TBC1D8: variants seen among roughly 807,000 people sequenced by gnomAD.
The protein encoded by TBC1D8 is TBC1 domain family member 8.
Under a neutral mutation model 118.8 loss-of-function variants are expected in TBC1D8, and 65 were observed. The ratio of observed to expected loss-of-function variants is 0.55; its 90% confidence interval spans 0.45 to 0.67. TBC1D8 has a LOEUF of 0.67. Among genes scored for constraint, TBC1D8 ranks in the 30% least tolerant of loss-of-function variants. TBC1D8 has a pLI of 0.00. For missense variants in TBC1D8, 1,376 were observed against 1,471.2 expected (o/e 0.94, Z 1.06); for synonymous variants, 566 against 595.8 (o/e 0.95, Z 0.73).
At chr2:101,074,387 T>G (rs1674667662) in intron 2 of TBC1D8, among the ~76,000 whole-genome samples, 1 of 152,222 alleles carries the variant, frequency 6.6e-6, no homozygotes, top group South Asian at 2.1e-4. Context: ...TGAAAAAGTC[T>G]GAACTACTGA....
Position 101,088,589 on chromosome 2 carries a change from C to CT in TBC1D8, c.283+1619dup, listed in dbSNP as rs1405632615. 2.0e-5 allele frequency among the ~76,000 whole-genome samples: 3 copies of CT among 151,836 alleles called. No homozygotes were observed. The South Asian group carries it at 6.3e-4, about 32-fold the overall frequency. ...GCGTGAGCCACCACACCCAGCCTCT[C>CT]TTTTTTAAGAAATGGGCTCTCCCTC... On this transcript the variant is annotated intron_variant, in intron 2 of 19. Transcript: ENST00000409318.
intron 19 of TBC1D8, among the ~76,000 whole-genome samples, chr2:101,009,122 G>A (rs1448521184): frequency 2.6e-5 from 4 of 151,778 alleles, no homozygotes; most frequent in South Asian, 2.1e-4. Flanking sequence ...GGCCGGGTGC[G>A]GTGGCTCATG....
intron 17 of TBC1D8, among the ~76,000 whole-genome samples, chr2:101,017,668 T>C (rs1291124566): frequency 6.6e-6 from 1 of 152,192 alleles, no homozygotes; most frequent in Non-Finnish European, 1.5e-5. Context: ...TATTTCCAAT[T>C]GTACTACACA....
chr2:101,038,360 T>G, intron 7 of TBC1D8, 101 bp downstream of exon 7: 2 of 1,324,748 alleles, frequency 1.5e-6, no homozygotes, highest in Non-Finnish European at 2.1e-6. Context: ...AGGCCCCGCA[T>G]TCTTCTCATC....
In TBC1D8 at chr2:101,033,767, T is replaced by C. The variant is rs201396164; in HGVS notation, c.1604-9A>G. 224 of 1,609,578 alleles carry C rather than the reference T, an allele frequency of 1.4e-4. 4 individuals carry two copies. In the East Asian group the frequency reaches 4.9e-3, roughly 35 times the overall value. The stretch of plus-strand genomic sequence containing the variant: ...AAGATCCGTCACCGCATCTGAGTTT[T>C]AAAAGCAATGTTTCAAGGGGGAATG... On this transcript the variant is annotated splice_polypyrimidine_tract_variant and intron_variant, in intron 9 of 19. Coordinates refer to ENST00000409318, the MANE Select transcript of TBC1D8 (RefSeq NM_001330348.2).
intron 5 of TBC1D8, among the ~76,000 whole-genome samples, chr2:101,043,769 GC>G (rs1460015586): frequency 3.3e-5 from 5 of 151,938 alleles, no homozygotes; most frequent in African/African-American, 1.2e-4. Context: ...GTGAAACCCC[GC>G]CTCTACTAAA....
chr2:101,150,730 G>A (rs1363980647), intron 1 of TBC1D8, among the ~76,000 whole-genome samples: 4 of 152,136 alleles, frequency 2.6e-5, no homozygotes, highest in Non-Finnish European at 5.9e-5. Flanking sequence ...CCAGATGGCC[G>A]AGTCCGGGCT....
chr2:101,031,209 T>C (rs899037026), intron 11 of TBC1D8, among the ~76,000 whole-genome samples: 1 of 152,172 alleles, frequency 6.6e-6, no homozygotes, highest in African/African-American at 2.4e-5. Context: ...CTTACACCAC[T>C]TCCCACAACA....
intron 1 of TBC1D8, among the ~76,000 whole-genome samples, chr2:101,100,040 G>A (rs746680333): frequency 1.3e-5 from 2 of 151,994 alleles, no homozygotes; most frequent in Non-Finnish European, 2.9e-5. Flanking sequence ...AGAAATAAAG[G>A]GTATTCAAAT....
chr2:101,044,625 T>A (rs1269107665), intron 5 of TBC1D8, among the ~76,000 whole-genome samples: 3 of 152,180 alleles, frequency 2.0e-5, no homozygotes, highest in Non-Finnish European at 4.4e-5. Context: ...AGCACCCCTA[T>A]GAGGATGGAG....
At chr2:101,143,486 G>A (rs2104282933) in intron 1 of TBC1D8, among the ~76,000 whole-genome samples, 1 of 152,248 alleles carries the variant, frequency 6.6e-6, no homozygotes, top group Middle Eastern at 3.4e-3. Flanking sequence ...CTTGTTGGCT[G>A]GTGATACACT....
chr2:101,096,817 GAGAC>G (rs1366358785), intron 1 of TBC1D8, among the ~76,000 whole-genome samples: 2 of 150,820 alleles, frequency 1.3e-5, no homozygotes, highest in East Asian at 2.0e-4. Context: ...GAGAGAGAGA[GAGAC>G]AGCACAAGGA....
rs746924 is a variant in TBC1D8 at position 101,008,009 on chromosome 2, T to C, written c.3280A>G (p.Arg1094Gly). ...DSQAFPEAAE[R>G]DWTVSLEHIL... ...TGTTCAAGGGAGACAGTCCAGTCCC[T>C]TTCTGCCGCCTCTGGAAATGCCTGG... The change falls in exon 20 of 20, where the codon AGG becomes GGG. Residue 1094 changes from arginine (R) to glycine (G), a missense_variant. Arg to Gly is a moderately radical substitution (Grantham distance 125). Transcript: ENST00000409318. 0.64 allele frequency: 1,040,426 copies of C among 1,613,658 alleles called. 340,220 individuals are homozygous for C. The highest frequency in any genetic ancestry group is 0.69 in the Middle Eastern group (4,168 of 6,062).
In TBC1D8 at chr2:101,017,843, T is replaced by C. The variant is rs147875922; in HGVS notation, c.2827+3838A>G. On this transcript the variant is annotated intron_variant, in intron 17 of 19. Transcript: ENST00000409318. ...TAATACTAACAGTGAAGCAGCTACA[T>C]GCAATTCCCAATTAGGTCTTCAAAA... 1.0e-4 allele frequency: 160 copies of C among 1,550,692 alleles called. 1 individual carries two copies. The Admixed American group carries it at 1.1e-3, about 10-fold the overall frequency.
intron 7 of TBC1D8, 30 bp from the exon 8 acceptor site, chr2:101,037,738 G>A (rs758369419): frequency 1.9e-6 from 3 of 1,608,470 alleles, no homozygotes; most frequent in African/African-American, 1.3e-5. Flanking sequence ...GAGACAGAGA[G>A]AGAGAGGAGA....
At chr2:101,109,741 C>T in intron 1 of TBC1D8, 1 of 969,454 alleles carries the variant, frequency 1.0e-6, no homozygotes, top group Non-Finnish European at 1.2e-6. Context: ...CCTCCCCAGC[C>T]CTGGCTCCAG....
intron 18 of TBC1D8, 174 bp from the exon 19 acceptor site, chr2:101,011,200 C>G: frequency 1.4e-6 from 1 of 712,874 alleles, no homozygotes. Context: ...AACTGGGGGA[C>G]TTCTGCTCTA....
chr2:101,078,475 C>T (rs1031321457), intron 2 of TBC1D8, among the ~76,000 whole-genome samples: 10 of 152,042 alleles, frequency 6.6e-5, no homozygotes, highest in Non-Finnish European at 1.2e-4. Context: ...TTAGTGAGGG[C>T]ATTACAGTGA....
At chr2:101,054,683 T>C (rs57447729) in intron 3 of TBC1D8, among the ~76,000 whole-genome samples, 2,838 of 127,756 alleles carry the variant, frequency 0.022, 153 homozygotes, top group African/African-American at 0.082. Flanking sequence ...TTTTTTTTTT[T>C]TTTTTTTTTT....
Sources: allele counts gnomAD v4.1 joint callset (sites outside exome capture counted in the v4.1 genomes callset), GRCh38; gene constraint gnomAD v4.1.1; transcripts MANE v1.5; gene names NCBI Gene and HGNC (gene_info 2026-07-23, HGNC 2026-07-21).